The following KMT5A variants were observed in gnomAD, a reference collection of about 807,000 sequenced individuals.
The protein encoded by KMT5A is lysine methyltransferase 5A, also known as N-lysine methyltransferase KMT5A.
KMT5A carries 6 observed loss-of-function variants against 40.6 expected under a neutral mutation model. That is an observed-to-expected ratio of 0.15 (90% CI 0.08 to 0.29). KMT5A has a LOEUF of 0.29. Ranked by LOEUF, KMT5A falls within the 10% of genes least tolerant of loss-of-function variation. The pLI, the probability that KMT5A is intolerant of heterozygous loss-of-function variation, is 1.00. For missense variants in KMT5A, 308 were observed against 459.1 expected (o/e 0.67, Z 3.01); for synonymous variants, 153 against 178.8 (o/e 0.86, Z 1.15).
chr12:123,400,505 C>T (rs1277502966), intron 5 of KMT5A, among the ~76,000 whole-genome samples: 1 of 151,622 alleles, frequency 6.6e-6, no homozygotes, highest in Non-Finnish European at 1.5e-5. Context: ...GGATTATAGG[C>T]GCTTGCCACC....
chr12:123,403,715 C>T, intron 6 of KMT5A, 83 bp downstream of exon 6: 1 of 1,522,702 alleles, frequency 6.6e-7, no homozygotes, highest in Non-Finnish European at 9.1e-7. Flanking sequence ...GAGTGGCCAC[C>T]ATGTGGCTTT....
At chr12:123,401,279 G>C (rs930597262) in intron 5 of KMT5A, among the ~76,000 whole-genome samples, 2 of 147,892 alleles carry the variant, frequency 1.4e-5, no homozygotes, top group African/African-American at 2.5e-5. Flanking sequence ...CTCCCGAGTA[G>C]CTGGGACTAC....
rs1461317514 is a variant in KMT5A at position 123,389,346 on chromosome 12, G to T, written c.11-87G>T. 7.2e-5 allele frequency: 63 copies of T among 876,072 alleles called. No individual in the cohort carries two copies. The South Asian group carries it at 2.5e-3, about 35-fold the overall frequency. 54.3% of individuals were successfully genotyped at this position (876,072 alleles called of 1,614,324 possible). A position where few individuals can be genotyped will look rare whatever the true frequency, so the allele number is the denominator to read the frequency against. On this transcript the variant is annotated intron_variant, in intron 1 of 7. Coordinates refer to ENST00000402868, the MANE Select transcript of KMT5A (RefSeq NM_020382.7). ...TATGGCTGCGGCGGGAGGCGCCGTCGCGGCGCCCGGCCCGGGCGGCCCCGC... is the reference window on the plus strand; with the variant it reads ...TATGGCTGCGGCGGGAGGCGCCGTCTCGGCGCCCGGCCCGGGCGGCCCCGC...
chr12:123,402,288 G>GGGCCGT (rs1350977040), intron 5 of KMT5A, among the ~76,000 whole-genome samples: 1 of 152,230 alleles, frequency 6.6e-6, no homozygotes. Flanking sequence ...AGCGGGGCCG[G>GGGCCGT]GGCCGTGGCT....
chr12:123,401,357 C>G (rs1421688314), intron 5 of KMT5A, among the ~76,000 whole-genome samples: 3 of 150,732 alleles, frequency 2.0e-5, no homozygotes, highest in African/African-American at 7.3e-5. Flanking sequence ...ACCATGTTAG[C>G]CAGGATGGTC....
chr12:123,392,308 T>C lies in KMT5A; in HGVS notation c.289+1522T>C, dbSNP rs142998302. Among the ~76,000 whole-genome samples, 542 of 152,282 alleles carry C rather than the reference T, an allele frequency of 3.6e-3. 3 individuals carry two copies. Among genetic ancestry groups the C allele is most frequent in the African/African-American group, 0.012 (495 of 41,564 alleles). On this transcript the variant is annotated intron_variant, in intron 3 of 7. Coordinates refer to ENST00000402868, the MANE Select transcript of KMT5A (RefSeq NM_020382.7). ...CTATACATTGTACCAAATGGTGGCC[T>C]GGTATACAAGCTAGTATATTTGGCT... is the stretch of plus-strand genomic sequence containing the variant.
intron 6 of KMT5A, among the ~76,000 whole-genome samples, 196 bp from the exon 7 acceptor site, chr12:123,404,687 TG>T (rs1261414646): frequency 6.6e-6 from 1 of 152,168 alleles, no homozygotes; most frequent in East Asian, 1.9e-4. Context: ...GTTCTAGAGC[TG>T]GCCTGTAGTG....
intron 3 of KMT5A, 37 bp downstream of exon 3, chr12:123,390,823 G>C (rs1316585333): frequency 1.9e-6 from 3 of 1,607,192 alleles, no homozygotes; most frequent in South Asian, 2.2e-5. Context: ...GATCCCAGCT[G>C]GTCGGGTTGC....
intron 4 of KMT5A, 80 bp from the exon 5 acceptor site, chr12:123,396,265 G>C (rs1297892964): frequency 7.5e-7 from 1 of 1,332,652 alleles, no homozygotes. Context: ...GTGCCTCCTC[G>C]GTGTGTGCCT....
intron 3 of KMT5A, among the ~76,000 whole-genome samples, chr12:123,394,350 G>A (rs1877535194): frequency 6.6e-6 from 1 of 152,140 alleles, no homozygotes; most frequent in South Asian, 2.1e-4. Context: ...TGATCCGCCA[G>A]CCTCGGCTTC....
intron 1 of KMT5A, among the ~76,000 whole-genome samples, chr12:123,385,431 T>C (rs979646814): frequency 6.6e-6 from 1 of 152,238 alleles, no homozygotes; most frequent in African/African-American, 2.4e-5. Flanking sequence ...TTAATAAAAC[T>C]ATGCTTCCTG....
At chr12:123,385,509 A>T (rs764397719) in intron 1 of KMT5A, among the ~76,000 whole-genome samples, 2 of 152,230 alleles carry the variant, frequency 1.3e-5, no homozygotes, top group African/African-American at 4.8e-5. Context: ...ATTAATTAAT[A>T]TATGAAGAAA....
In KMT5A at chr12:123,400,447, A is replaced by G. The variant is rs561782856; in HGVS notation, c.598-3126A>G. 8.6e-4 allele frequency among the ~76,000 whole-genome samples: 122 copies of G among 142,630 alleles called. 2 individuals are homozygous for G. In the South Asian group the frequency reaches 0.027, roughly 31 times the overall value. 93.6% of individuals were successfully genotyped at this position (142,630 alleles called of 152,430 possible). On this transcript the variant is annotated intron_variant, in intron 5 of 7. Transcript: ENST00000402868. ...GCGATCTCGGCTCACTGCAACCTCC[A>G]CCTCCCAGGTTCAAGCAATTCTCCT...
rs548014257 is a variant in KMT5A at position 123,400,461 on chromosome 12, A to C, written c.598-3112A>C. 8.2e-4 allele frequency among the ~76,000 whole-genome samples: 122 copies of C among 149,256 alleles called. 2 individuals carry two copies. The South Asian group carries it at 0.026, about 31-fold the overall frequency. The stretch of plus-strand genomic sequence containing the variant: ...CTGCAACCTCCACCTCCCAGGTTCA[A>C]GCAATTCTCCTGCCTCAACCTCCCA... On this transcript the variant is annotated intron_variant, in intron 5 of 7. Coordinates refer to ENST00000402868, the MANE Select transcript of KMT5A (RefSeq NM_020382.7).
intron 6 of KMT5A, 140 bp from the exon 7 acceptor site, chr12:123,404,744 C>T: frequency 1.3e-6 from 1 of 765,564 alleles, no homozygotes; most frequent in South Asian, 1.9e-5. Flanking sequence ...TCAGCCTGTA[C>T]ATGTAAAGTG....
chr12:123,389,614 C>T, intron 2 of KMT5A, 60 bp downstream of exon 2: 2 of 1,046,656 alleles, frequency 1.9e-6, no homozygotes, highest in South Asian at 4.4e-5. Context: ...GCCGCGAGCA[C>T]ATGGGCGACC....
chr12:123,395,573 T>G (rs28637945), intron 4 of KMT5A, among the ~76,000 whole-genome samples: 128,515 of 145,288 alleles, frequency 0.88, 56,884 homozygotes, highest in Middle Eastern at 0.93. Flanking sequence ...TGTGTTTTTT[T>G]TTTTTTTTTT....
intron 2 of KMT5A, among the ~76,000 whole-genome samples, chr12:123,390,315 C>G (rs1157662876): frequency 6.6e-6 from 1 of 152,208 alleles, no homozygotes; most frequent in Admixed American, 6.5e-5. Context: ...CTTCACATGC[C>G]CAGGTCCTTT....
chr12:123,390,876 CA>C, intron 3 of KMT5A, 90 bp downstream of exon 3: 1 of 1,431,620 alleles, frequency 7.0e-7, no homozygotes, highest in Non-Finnish European at 9.6e-7. Context: ...TGTATTTATC[CA>C]ACCTTTTCAG....
Sources: allele counts gnomAD v4.1 joint callset (sites outside exome capture counted in the v4.1 genomes callset), GRCh38; gene constraint gnomAD v4.1.1; transcripts MANE v1.5; gene names NCBI Gene and HGNC (gene_info 2026-07-23, HGNC 2026-07-21).